NTM: variants seen among roughly 807,000 people sequenced by gnomAD.
NTM encodes neurotrimin.
NTM carries 13 observed loss-of-function variants against 42.1 expected under a neutral mutation model. That is an observed-to-expected ratio of 0.31 (90% CI 0.20 to 0.49). The LOEUF is 0.49. Ranked by LOEUF, NTM falls within the 20% of genes least tolerant of loss-of-function variation. The probability of loss-of-function intolerance (pLI) is 0.99; values close to 1 mark genes in which losing one functional copy is unlikely to be tolerated. For synonymous variants in NTM, 187 were observed against 179.2 expected (o/e 1.04, Z -0.35); for missense variants, 373 against 452.8 (o/e 0.82, Z 1.60).
At chr11:131,993,176 C>T (rs1006146268) in intron 2 of NTM, among the ~76,000 whole-genome samples, 1 of 152,170 alleles carries the variant, frequency 6.6e-6, no homozygotes, top group African/African-American at 2.4e-5. Context: ...CGTCATAGTA[C>T]ACCCACTGGC....
rs80067956 is a variant in NTM at position 131,457,850 on chromosome 11, G to A, written c.82+86962G>A. 5.2e-3 allele frequency among the ~76,000 whole-genome samples: 792 copies of A among 152,078 alleles called. 6 individuals are homozygous for A. The highest frequency in any genetic ancestry group is 0.018 in the African/African-American group (732 of 41,370). On this transcript the variant is annotated intron_variant, in intron 1 of 8. Transcript: ENST00000683400. The stretch of plus-strand genomic sequence containing the variant: ...ATGGGACCACTGTCTTTATAAAGGT[G>A]GCCCCCGAGAGCTCTCTTTTTGGCC...
At chr11:132,104,355 C>G (rs182176145) in intron 2 of NTM, among the ~76,000 whole-genome samples, 7 of 152,164 alleles carry the variant, frequency 4.6e-5, no homozygotes, top group African/African-American at 1.4e-4. Flanking sequence ...CCATTTTCCC[C>G]CGTCCCATCT....
intron 1 of NTM, among the ~76,000 whole-genome samples, chr11:131,508,961 A>C (rs1247603678): frequency 6.6e-6 from 1 of 150,938 alleles, no homozygotes; most frequent in Non-Finnish European, 1.5e-5. Context: ...GGTGCAGCGC[A>C]CCAACATGGC....
chr11:131,710,764 T>C (rs1398369913), intron 1 of NTM, among the ~76,000 whole-genome samples: 1 of 152,210 alleles, frequency 6.6e-6, no homozygotes, highest in African/African-American at 2.4e-5. Flanking sequence ...TCTGATTCAC[T>C]ACTCCAAACC....
chr11:131,980,695 G>A (rs2027784), intron 2 of NTM, among the ~76,000 whole-genome samples: 24,760 of 152,172 alleles, frequency 0.16, 2,083 homozygotes, highest in South Asian at 0.21. Context: ...GCTGTGCTGA[G>A]CTCTGGGTGT....
Position 132,147,705 on chromosome 11 carries a change from G to A in NTM, c.400+1191G>A, listed in dbSNP as rs139400520. Among the ~76,000 whole-genome samples, 266 of 152,094 alleles carry A rather than the reference G, an allele frequency of 1.7e-3. 3 individuals carry two copies. In the East Asian group the frequency reaches 0.025, roughly 14 times the overall value. On this transcript the variant is annotated intron_variant, in intron 3 of 8. Coordinates refer to ENST00000683400, the MANE Select transcript of NTM (RefSeq NM_001352005.2). ...TGGAGCCCTTTCCCAGGCTGATCCC[G>A]AGGCCCTTTCAACCAGGGACGTGTA...
intron 1 of NTM, among the ~76,000 whole-genome samples, chr11:131,406,924 G>A (rs1466588228): frequency 6.6e-6 from 1 of 151,412 alleles, no homozygotes; most frequent in Non-Finnish European, 1.5e-5. Context: ...AAGACCACAG[G>A]TAAAGGCACT....
At chr11:131,524,642 C>A (rs559280855) in intron 1 of NTM, among the ~76,000 whole-genome samples, 1 of 152,318 alleles carries the variant, frequency 6.6e-6, no homozygotes, top group East Asian at 1.9e-4. Flanking sequence ...AATAGTAAGA[C>A]CTGCCTGAGT....
rs535063714 is a variant in NTM at position 131,970,548 on chromosome 11, G to C, written c.167+58900G>C. On this transcript the variant is annotated intron_variant, in intron 2 of 8. Transcript: ENST00000683400. The stretch of plus-strand genomic sequence containing the variant: ...CTAGGACCTGCAGACAGAGGCAGCA[G>C]GTACAGTTAAACTGTGGTCCTAGCC... Among the ~76,000 whole-genome samples the C allele has an allele frequency of 2.0e-5, 3 of 152,360 alleles. No homozygotes were observed. The South Asian group carries it at 6.2e-4, about 32-fold the overall frequency.
intron 1 of NTM, among the ~76,000 whole-genome samples, chr11:131,543,747 G>A (rs118183768): frequency 0.023 from 3,432 of 152,290 alleles, 60 homozygotes; most frequent in Non-Finnish European, 0.033. Flanking sequence ...ATCAGCTGGT[G>A]CCCGTAGCCC....
chr11:131,726,336 G>GTCCTTGGT (rs1299884165), intron 1 of NTM, among the ~76,000 whole-genome samples: 2 of 145,288 alleles, frequency 1.4e-5, no homozygotes, highest in South Asian at 2.1e-4. Context: ...GGTTGCACAA[G>GTCCTTGGT]TCAGTGTCTG....
intron 4 of NTM, among the ~76,000 whole-genome samples, chr11:132,247,999 C>G (rs889605390): frequency 6.6e-6 from 1 of 152,092 alleles, no homozygotes; most frequent in Admixed American, 6.6e-5. Flanking sequence ...AGAGAGAGCA[C>G]CTGAAATGCC....
chr11:132,089,771 G>C (rs1413015524), intron 2 of NTM, among the ~76,000 whole-genome samples: 1 of 152,026 alleles, frequency 6.6e-6, no homozygotes, highest in Non-Finnish European at 1.5e-5. Flanking sequence ...GTTTGTTCTT[G>C]CTTCTATTTT....
intron 2 of NTM, among the ~76,000 whole-genome samples, chr11:132,090,236 A>C (rs1224164904): frequency 1.3e-5 from 2 of 152,158 alleles, no homozygotes; most frequent in African/African-American, 4.8e-5. Context: ...AATAATCTAA[A>C]TCTGCCTGGC....
At chr11:131,831,012 T>G (rs541092516) in intron 1 of NTM, among the ~76,000 whole-genome samples, 7 of 152,332 alleles carry the variant, frequency 4.6e-5, no homozygotes, top group African/African-American at 7.2e-5. Context: ...CTGATTTTTG[T>G]ACATGGATTC....
intron 1 of NTM, among the ~76,000 whole-genome samples, chr11:131,696,766 A>G (rs1002532928): frequency 6.7e-6 from 1 of 148,306 alleles, no homozygotes; most frequent in Non-Finnish European, 1.5e-5. Flanking sequence ...TTGTGTCTCA[A>G]ACAGGCACAC....
At chr11:132,113,754 T>C (rs527463021) in intron 2 of NTM, among the ~76,000 whole-genome samples, 1 of 152,310 alleles carries the variant, frequency 6.6e-6, no homozygotes, top group Admixed American at 6.5e-5. Context: ...GCAGTCTCTT[T>C]CCAGAGTACA....
intron 1 of NTM, among the ~76,000 whole-genome samples, chr11:131,810,611 C>T (rs1339419075): frequency 6.6e-6 from 1 of 152,232 alleles, no homozygotes; most frequent in Non-Finnish European, 1.5e-5. Flanking sequence ...CTGCGTTTTG[C>T]TGGGTCCAGA....
intron 2 of NTM, among the ~76,000 whole-genome samples, chr11:132,093,922 C>G (rs10750495): frequency 0.54 from 82,555 of 152,026 alleles, 23,163 homozygotes; most frequent in Middle Eastern, 0.65. Flanking sequence ...CAATTAAATC[C>G]GGTAGTTTCC....
Sources: gnomAD v4.1 joint callset for allele counts (sites outside exome capture counted in the v4.1 genomes callset) on GRCh38, gnomAD v4.1.1 for gene constraint, MANE v1.5 for transcripts, NCBI Gene and HGNC (gene_info 2026-07-23, HGNC 2026-07-21) for gene names.